CCSER1: variants seen among roughly 807,000 people sequenced by gnomAD.
CCSER1 encodes coiled-coil serine rich protein 1.
Under a neutral mutation model 82.0 loss-of-function variants are expected in CCSER1, and 41 were observed. That is an observed-to-expected ratio of 0.50 (90% confidence interval 0.39 to 0.65). The LOEUF (loss-of-function observed/expected upper bound fraction) is 0.65. Ranked by LOEUF, CCSER1 falls within the 30% of genes least tolerant of loss-of-function variation. The pLI is 0.00. For synonymous variants in CCSER1, 414 were observed against 383.9 expected (o/e 1.08, Z -0.92); for missense variants, 1,119 against 1,064.2 (o/e 1.05, Z -0.72).
chr4:90,280,428 C>T (rs935171267), intron 1 of CCSER1, among the ~76,000 whole-genome samples: 9 of 151,628 alleles, frequency 5.9e-5, no homozygotes, highest in Admixed American at 2.6e-4. Context: ...TTTTAAATCA[C>T]AAGGACTCAC....
intron 7 of CCSER1, among the ~76,000 whole-genome samples, chr4:90,743,810 C>CT (rs1358936752): frequency 6.6e-6 from 1 of 152,130 alleles, no homozygotes; most frequent in Non-Finnish European, 1.5e-5. Flanking sequence ...CCACACCATG[C>CT]TAAAGACTGA....
At position 90,752,503 on chromosome 4, in the gene CCSER1, A is replaced by G. The variant is rs140481616; in HGVS notation, c.2010+28512A>G. Among the ~76,000 whole-genome samples, 476 of 152,206 alleles carry G rather than the reference A, an allele frequency of 3.1e-3. 1 individual carries two copies. The highest frequency in any genetic ancestry group is 0.011 in the African/African-American group (441 of 41,556). On this transcript the variant is annotated intron_variant, in intron 7 of 10. Transcript: ENST00000509176. The stretch of plus-strand genomic sequence containing the variant: ...TACATTTGAATCAGCTATGTAGGTA[A>G]TATTTACAATTTTATTATTACAAAT...
At chr4:90,308,220 T>G in intron 1 of CCSER1, 24 bp from the exon 2 acceptor site, 1 of 1,436,786 alleles carries the variant, frequency 7.0e-7, no homozygotes, top group Admixed American at 2.9e-5. Flanking sequence ...ATTGACTTGT[T>G]GTTTTTGTTT....
chr4:90,141,595 TA>T (rs1724806531), intron 1 of CCSER1, among the ~76,000 whole-genome samples: 1 of 152,210 alleles, frequency 6.6e-6, no homozygotes, highest in South Asian at 2.1e-4. Context: ...GAATAATTTT[TA>T]AAAAATGAAT....
chr4:90,257,325 A>G (rs1406700357), intron 1 of CCSER1, among the ~76,000 whole-genome samples: 2 of 152,092 alleles, frequency 1.3e-5, no homozygotes, highest in African/African-American at 2.4e-5. Flanking sequence ...GGGACCTTGT[A>G]TGGTTCTTTT....
At chr4:91,549,538 A>G (rs771260368) in intron 10 of CCSER1, among the ~76,000 whole-genome samples, 9 of 152,034 alleles carry the variant, frequency 5.9e-5, no homozygotes, top group Non-Finnish European at 1.3e-4. Context: ...ACTATTATTA[A>G]GTCTTAGTCC....
chr4:90,151,777 A>ATT lies in CCSER1; in HGVS notation c.-42+23951_-42+23952dup, dbSNP rs1441980207. ...CTCAGTTATTTAGTATTAAACAATT[A>ATT]TTTTTTCAATCTTTACAATGTAAAT... On this transcript the variant is annotated intron_variant, in intron 1 of 10. Coordinates refer to ENST00000509176, the MANE Select transcript of CCSER1 (RefSeq NM_001145065.2). 4.6e-5 allele frequency among the ~76,000 whole-genome samples: 7 copies of ATT among 152,226 alleles called. No homozygotes were observed. In the East Asian group the frequency reaches 9.6e-4, roughly 21 times the overall value.
chr4:90,686,063 T>A (rs1273159640), intron 6 of CCSER1, among the ~76,000 whole-genome samples: 1 of 152,150 alleles, frequency 6.6e-6, no homozygotes, highest in Admixed American at 6.6e-5. Flanking sequence ...AGGCTTACAG[T>A]TACCTTGATA....
chr4:90,600,190 C>T (rs1022177185), intron 5 of CCSER1, among the ~76,000 whole-genome samples: 17 of 151,988 alleles, frequency 1.1e-4, no homozygotes, highest in South Asian at 8.3e-4. Flanking sequence ...TAAATAGGGA[C>T]GTAGGTATTT....
intron 1 of CCSER1, among the ~76,000 whole-genome samples, chr4:90,219,154 A>G (rs1163742032): frequency 1.3e-5 from 2 of 152,208 alleles, no homozygotes; most frequent in African/African-American, 4.8e-5. Flanking sequence ...ACATGAGAAT[A>G]ATGGTAACAT....
At chr4:91,477,720 T>A (rs1578565389) in intron 10 of CCSER1, among the ~76,000 whole-genome samples, 1 of 151,736 alleles carries the variant, frequency 6.6e-6, no homozygotes, top group South Asian at 2.1e-4. Flanking sequence ...AAACTAAGGA[T>A]TTTATCTTTC....
At chr4:90,810,063 T>C (rs2149736487) in intron 7 of CCSER1, among the ~76,000 whole-genome samples, 1 of 152,290 alleles carries the variant, frequency 6.6e-6, no homozygotes, top group Non-Finnish European at 1.5e-5. Flanking sequence ...TCAGAGAAAA[T>C]GGGTATACTG....
chr4:90,938,066 A>T (rs1731171333), intron 9 of CCSER1, among the ~76,000 whole-genome samples: 1 of 152,124 alleles, frequency 6.6e-6, no homozygotes, highest in South Asian at 2.1e-4. Flanking sequence ...CTTTTCATAT[A>T]TATTACCAGC....
intron 1 of CCSER1, among the ~76,000 whole-genome samples, chr4:90,252,009 T>G (rs1722480187): frequency 1.3e-5 from 2 of 151,924 alleles, no homozygotes; most frequent in Non-Finnish European, 2.9e-5. Flanking sequence ...TTTCATTTGG[T>G]CTTCTTTGGT....
intron 10 of CCSER1, among the ~76,000 whole-genome samples, chr4:91,321,288 A>G (rs1198036292): frequency 6.6e-6 from 1 of 152,104 alleles, no homozygotes; most frequent in African/African-American, 2.4e-5. Flanking sequence ...CACCACTGTT[A>G]ATGCTAACTA....
intron 7 of CCSER1, among the ~76,000 whole-genome samples, chr4:90,813,616 G>C (rs1421468231): frequency 6.6e-6 from 1 of 152,150 alleles, no homozygotes; most frequent in East Asian, 1.9e-4. Flanking sequence ...GGGTTCATCA[G>C]GGGTTTCCAC....
intron 10 of CCSER1, among the ~76,000 whole-genome samples, chr4:91,210,799 G>A (rs1736753253): frequency 6.6e-6 from 1 of 151,804 alleles, no homozygotes; most frequent in African/African-American, 2.4e-5. Context: ...TGTATAACTT[G>A]AAGAGGTCTG....
At chr4:90,367,391 A>C (rs976974463) in intron 3 of CCSER1, among the ~76,000 whole-genome samples, 1 of 151,952 alleles carries the variant, frequency 6.6e-6, no homozygotes, top group African/African-American at 2.4e-5. Context: ...ATGAGGTAAC[A>C]TGAAATAATA....
chr4:90,571,855 G>A (rs534551239), intron 5 of CCSER1, among the ~76,000 whole-genome samples: 4 of 151,846 alleles, frequency 2.6e-5, no homozygotes, highest in African/African-American at 9.7e-5. Flanking sequence ...TTAAATTATT[G>A]TAACTATTAT....
Sources: gnomAD v4.1 joint callset for allele counts (sites outside exome capture counted in the v4.1 genomes callset) on GRCh38, gnomAD v4.1.1 for gene constraint, MANE v1.5 for transcripts, NCBI Gene and HGNC (gene_info 2026-07-23, HGNC 2026-07-21) for gene names.